DEPDC4: variants seen among roughly 807,000 people sequenced by gnomAD.
DEPDC4 encodes DEP domain-containing protein 4.
In DEPDC4, 52 loss-of-function variants were observed where a neutral mutation model predicts 52.0. That is an observed-to-expected ratio of 1.00 (90% confidence interval 0.80 to 1.26). The LOEUF (loss-of-function observed/expected upper bound fraction) is 1.26, where lower values mean the gene tolerates loss of function less well. Among genes scored for constraint, DEPDC4 ranks in the 50% most tolerant of loss-of-function variants. The pLI is 0.00. For synonymous variants in DEPDC4, 201 were observed against 196.8 expected, an observed-to-expected ratio of 1.02 and a Z score of -0.18; for missense variants, 530 against 546.9, an observed-to-expected ratio of 0.97 and a Z score of 0.31.
At position 100,263,496 on chromosome 12, in the gene DEPDC4, C is replaced by T. The variant is rs778209940; in HGVS notation, c.554+1G>A. On this transcript the variant is annotated splice_donor_variant, in intron 2 of 9. Transcript: ENST00000550587. LOFTEE classifies it high-confidence loss of function. ...ATTACAGTATCTTAGGTAACACTAA[C>T]CTCAAGGTTTCATTGAACTCATTCT... The T allele has an allele frequency of 1.3e-5, 21 of 1,573,350 alleles. No individual in the cohort carries two copies. Among genetic ancestry groups the T allele is most frequent in the Middle Eastern group, 1.7e-4 (1 of 5,842 alleles).
chr12:100,267,091 T>A (rs1030179928), upstream of DEPDC4: 5 of 1,610,568 alleles, frequency 3.1e-6, no homozygotes, highest in African/African-American at 1.3e-5. Context: ...CCGCCCCACC[T>A]GACACCCGGG....
chr12:100,262,833 CTG>C, intron 2 of DEPDC4, among the ~76,000 whole-genome samples: 1 of 152,212 alleles, frequency 6.6e-6, no homozygotes, highest in East Asian at 1.9e-4. Flanking sequence ...GAAAACAAAA[CTG>C]TATTTGCTCT....
intron 9 of DEPDC4, among the ~76,000 whole-genome samples, chr12:100,233,615 T>G (rs1199138176): frequency 1.3e-5 from 2 of 152,232 alleles, no homozygotes. Context: ...AGCTGAATGA[T>G]TATACTCATG....
chr12:100,270,276 C>T (rs1385615189), upstream of DEPDC4, among the ~76,000 whole-genome samples: 1 of 152,108 alleles, frequency 6.6e-6, no homozygotes, highest in African/African-American at 2.4e-5. Flanking sequence ...CGTGAGCCAC[C>T]GCGCCTGGCC....
intron 2 of DEPDC4, among the ~76,000 whole-genome samples, chr12:100,263,215 C>G (rs1160877449): frequency 1.3e-5 from 2 of 152,132 alleles, no homozygotes; most frequent in African/African-American, 4.8e-5. Flanking sequence ...GTCCGTCTTG[C>G]CTCAGCGTGG....
Position 100,244,095 on chromosome 12 carries a change from G to C in DEPDC4, c.1454-1526C>G, listed in dbSNP as rs12818374. Among the ~76,000 whole-genome samples the C allele has an allele frequency of 4.3e-4, 22 of 51,642 alleles. 2 individuals carry two copies. The East Asian group carries it at 4.3e-3, about 10-fold the overall frequency. The allele number at this position is 51,642 out of a possible 152,430, so 33.9% of individuals were successfully genotyped here. A position where few individuals can be genotyped will look rare whatever the true frequency, so the allele number is the denominator to read the frequency against. ...CCTCTCTCTCTCTCTCTCTCTCTGT[G>C]TATATATATATATATATATATATAT... On this transcript the variant is annotated intron_variant, in intron 8 of 9. Transcript: ENST00000550587.
Position 100,263,615 on chromosome 12 carries a change from T to G in DEPDC4, c.436A>C (p.Lys146Gln), listed in dbSNP as rs1338575421. Residue 146 changes from lysine to glutamine, a missense_variant, in exon 2 of 10, where the codon AAG becomes CAG. Physicochemically the swap from Lys to Gln is moderately conservative, Grantham distance 53. Coordinates refer to ENST00000550587, the MANE Select transcript of DEPDC4 (RefSeq NM_001364818.2). ...TTGGAATCTTCAAATTCTAATTCCT[T>G]TTCTTTTTTGAAAAGCTTCTTCATT... ...VGMKKLFKKE[K>Q]ELEFEDSNIS... 6.2e-7 allele frequency: 1 copy of G among 1,614,150 alleles called. No homozygotes were observed. Among genetic ancestry groups the G allele is most frequent in the Non-Finnish European group, 8.5e-7 (1 of 1,180,026 alleles).
the DEPDC4 span, among the ~76,000 whole-genome samples, chr12:100,279,875 C>T: frequency 1.3e-5 from 2 of 152,276 alleles, no homozygotes; most frequent in South Asian, 4.1e-4. Flanking sequence ...TGTGTGGGAC[C>T]AGGGAACAGA....
rs758814392 is a variant in DEPDC4, at chr12:100,252,379, T to C, written c.1248+15A>G. 1 of 1,535,248 alleles carries C rather than the reference T, an allele frequency of 6.5e-7. No individual in the cohort carries two copies. ...AGCAAAAAAAAATGGCAAAACTTATTGCAAAATTTTTCACCTGTTTTTGCA... is the reference window on the plus strand; with the variant it reads ...AGCAAAAAAAAATGGCAAAACTTATCGCAAAATTTTTCACCTGTTTTTGCA... On this transcript the variant is annotated intron_variant, in intron 6 of 9. Coordinates refer to ENST00000550587, the MANE Select transcript of DEPDC4 (RefSeq NM_001364818.2).
chr12:100,259,379 T>A (rs186526549), intron 3 of DEPDC4, among the ~76,000 whole-genome samples: 10 of 152,162 alleles, frequency 6.6e-5, no homozygotes, highest in Non-Finnish European at 1.5e-4. Context: ...AGCAGGTGAT[T>A]TGGATAAGTG....
downstream of DEPDC4, among the ~76,000 whole-genome samples, chr12:100,237,080 C>T (rs932435059): frequency 1.4e-4 from 21 of 152,094 alleles, no homozygotes. Context: ...GTTTTGGTGA[C>T]TATGGCCTTA....
intron 5 of DEPDC4, 93 bp downstream of exon 5, chr12:100,253,396 T>C (rs1222381987): frequency 2.3e-6 from 1 of 435,806 alleles, no homozygotes; most frequent in African/African-American, 2.1e-5. Context: ...TAAAATGTAA[T>C]ACTCATATAG....
At position 100,253,507 on chromosome 12, in the gene DEPDC4, CTGAA is replaced by C. The variant is rs1054226498; in HGVS notation, c.1083_1086del (p.His361GlnfsTer7). 18 of 1,272,140 alleles carry C rather than the reference CTGAA, an allele frequency of 1.4e-5. No homozygotes were observed. Among genetic ancestry groups the C allele is most frequent in the Admixed American group, 2.3e-5 (1 of 43,004 alleles). The allele number at this position is 1,272,140 out of a possible 1,614,324, so 78.8% of individuals were successfully genotyped here. ...ATCTTACCTAAAAGTTCAATAATTC[CTGAA>C]TGAATATCAAAATACTCATCAGTTA... is the stretch of plus-strand genomic sequence containing the variant. On this transcript the variant is annotated frameshift_variant, in exon 5 of 10. Transcript: ENST00000550587. LOFTEE classifies it high-confidence loss of function.
At chr12:100,248,310 CCAGA>C (rs146548121) in intron 8 of DEPDC4, among the ~76,000 whole-genome samples, 2,178 of 152,134 alleles carry the variant, frequency 0.014, 20 homozygotes, top group Non-Finnish European at 0.021. Context: ...AATGACTTGC[CCAGA>C]CAATTTGGTG....
Position 100,252,452 on chromosome 12 carries a change from C to T in DEPDC4, c.1190G>A (p.Arg397Gln), listed in dbSNP as rs530343309. 24 of 1,604,210 alleles carry T rather than the reference C, an allele frequency of 1.5e-5. No homozygotes were observed. Among genetic ancestry groups the T allele is most frequent in the African/African-American group, 1.3e-4 (10 of 74,846 alleles). The change falls in exon 6 of 10, where the codon CGG (arginine) becomes CAG (glutamine). Residue 397 changes from arginine to glutamine, a missense_variant. Transcript: ENST00000550587. ...TGCCATTGCCATAAAAGTAAGTAGC[C>T]GTCGTAATTCTTCTCTAATGTTCAG... ...LLLNIREELR[R>Q]LLTFMAMASE...
chr12:100,253,916 C>T (rs1215245850), intron 4 of DEPDC4, among the ~76,000 whole-genome samples: 2 of 152,306 alleles, frequency 1.3e-5, no homozygotes, highest in African/African-American at 2.4e-5. Flanking sequence ...GTATTCCTTA[C>T]TGAATACCAC....
intron 1 of DEPDC4, 106 bp downstream of exon 1, chr12:100,266,814 A>C: frequency 7.1e-7 from 1 of 1,416,484 alleles, no homozygotes; most frequent in Non-Finnish European, 9.5e-7. Context: ...GGGGCTAGGA[A>C]ATGGGCGGGG....
At chr12:100,260,623 C>T (rs1481963596) in intron 3 of DEPDC4, among the ~76,000 whole-genome samples, 2 of 150,030 alleles carry the variant, frequency 1.3e-5, no homozygotes, top group African/African-American at 2.5e-5. Context: ...CACCTATAAT[C>T]CCAGCACTTT....
At chr12:100,261,668 T>G (rs1221040330) in intron 3 of DEPDC4, 4 of 456,172 alleles carry the variant, frequency 8.8e-6, no homozygotes, top group Non-Finnish European at 1.8e-5. Flanking sequence ...GCACCTCCAG[T>G]TAATCTGGTC....
Sources: gnomAD v4.1 joint callset for allele counts (sites outside exome capture counted in the v4.1 genomes callset) on GRCh38, gnomAD v4.1.1 for gene constraint, MANE v1.5 for transcripts, NCBI Gene and HGNC (gene_info 2026-07-23, HGNC 2026-07-21) for gene names.